The following ARHGAP26 variants were observed in gnomAD, a reference collection of about 807,000 sequenced individuals.
ARHGAP26 encodes the protein Rho GTPase activating protein 26.
In ARHGAP26, 38 loss-of-function variants were observed where a neutral mutation model predicts 104.8. The observed-to-expected ratio is 0.36, with a 90% CI of 0.28 to 0.48. ARHGAP26 has a LOEUF of 0.48. ARHGAP26 is among the 20% of genes least tolerant of loss of function. The pLI is 0.99. For missense variants in ARHGAP26, 704 were observed against 947.9 expected (o/e 0.74, Z 3.38); for synonymous variants, 341 against 340.0 (o/e 1.00, Z -0.03).
intron 19 of ARHGAP26, among the ~76,000 whole-genome samples, chr5:143,144,595 TG>T (rs1028942557): frequency 1.3e-5 from 2 of 152,044 alleles, no homozygotes; most frequent in African/African-American, 2.4e-5. Flanking sequence ...TTTGTAGAGA[TG>T]GGGGTCTCAC....
At chr5:143,011,586 GCC>G (rs1778763816) in intron 11 of ARHGAP26, among the ~76,000 whole-genome samples, 1 of 152,100 alleles carries the variant, frequency 6.6e-6, no homozygotes. Flanking sequence ...AAGCCGCTAT[GCC>G]CTTCCTCAAT....
At chr5:143,057,385 C>T (rs1785981666) in intron 16 of ARHGAP26, among the ~76,000 whole-genome samples, 1 of 152,120 alleles carries the variant, frequency 6.6e-6, no homozygotes, top group East Asian at 1.9e-4. Flanking sequence ...TTGACTGGCT[C>T]CATTTCATCA....
intron 17 of ARHGAP26, among the ~76,000 whole-genome samples, chr5:143,100,027 C>T (rs1254275595): frequency 6.6e-6 from 1 of 152,012 alleles, no homozygotes; most frequent in Non-Finnish European, 1.5e-5. Flanking sequence ...AGACAATTTG[C>T]CAGAATGCAG....
In ARHGAP26 at chr5:142,983,309, C is replaced by T. The variant is rs533325364; in HGVS notation, c.1108-30771C>T. On this transcript the variant is annotated intron_variant, in intron 11 of 22. Coordinates refer to ENST00000645722, the MANE Select transcript of ARHGAP26 (RefSeq NM_001135608.3). ...GCAACCTCCACCTCCCGGGTTCAAG[C>T]GACCCTCCTGCCTCAGCCTTGTGAG... 1.7e-3 allele frequency among the ~76,000 whole-genome samples: 256 copies of T among 152,264 alleles called. 1 individual carries two copies. Among genetic ancestry groups the T allele is most frequent in the Non-Finnish European group, 2.6e-3 (179 of 68,022 alleles).
In ARHGAP26 at chr5:142,894,440, G is replaced by T. The variant is rs140011211; in HGVS notation, c.597+92G>T. 38 of 1,212,160 alleles carry T rather than the reference G, an allele frequency of 3.1e-5. No homozygotes were observed. In the East Asian group the frequency reaches 3.5e-4, roughly 11 times the overall value. The allele number at this position is 1,212,160 out of a possible 1,614,324, so 75.1% of individuals were successfully genotyped here. On this transcript the variant is annotated intron_variant, in intron 6 of 22. Transcript: ENST00000645722. The stretch of plus-strand genomic sequence containing the variant: ...TTACAAAATGCTCTAAGTTGTTGAT[G>T]AAGAGGTTGAGCAGCCCTGACACTG...
rs1302005892 is a variant in ARHGAP26, at chr5:143,100,962, G to A, written c.1539-20026G>A. 4.6e-5 allele frequency among the ~76,000 whole-genome samples: 7 copies of A among 152,138 alleles called. No individual in the cohort carries two copies. The East Asian group carries it at 5.8e-4, about 13-fold the overall frequency. ...TGAAAAACTAGCTGAGTGTGGTGAC[G>A]TGTGCCTGTAATCTCAGCTACCTGG... On this transcript the variant is annotated intron_variant, in intron 17 of 22. Transcript: ENST00000645722.
At chr5:143,122,406 T>A (rs1391128328) in intron 18 of ARHGAP26, among the ~76,000 whole-genome samples, 1 of 152,250 alleles carries the variant, frequency 6.6e-6, no homozygotes, top group Non-Finnish European at 1.5e-5. Context: ...TCAAGTGTAC[T>A]AAGTGAAGCC....
At chr5:143,165,969 A>G in intron 20 of ARHGAP26, 1 of 1,240,960 alleles carries the variant, frequency 8.1e-7, no homozygotes, top group Non-Finnish European at 1.1e-6. Flanking sequence ...CTGGCTCATA[A>G]TCAGGGCTCA....
chr5:142,882,998 T>G lies in ARHGAP26; in HGVS notation c.385-2300T>G, dbSNP rs17099643. 0.018 allele frequency among the ~76,000 whole-genome samples: 2,778 copies of G among 152,326 alleles called. 200 individuals carry two copies. The East Asian group carries it at 0.25, about 14-fold the overall frequency. The stretch of plus-strand genomic sequence containing the variant: ...ACTCTCTGGAAGGTGAAAACCATCT[T>G]GTGTCCTGAGTAATGGACACACTCT... On this transcript the variant is annotated intron_variant, in intron 4 of 22. Transcript: ENST00000645722.
chr5:142,797,795 C>T (rs1761282907), intron 1 of ARHGAP26, among the ~76,000 whole-genome samples: 1 of 152,178 alleles, frequency 6.6e-6, no homozygotes, highest in South Asian at 2.1e-4. Flanking sequence ...TCTCCAAAGA[C>T]CAGTTGCCAC....
At position 142,892,375 on chromosome 5, in the gene ARHGAP26, A is replaced by C. The variant is rs80317864; in HGVS notation, c.487-1863A>C. 0.017 allele frequency among the ~76,000 whole-genome samples: 2,515 copies of C among 152,082 alleles called. 198 individuals are homozygous for C. In the East Asian group the frequency reaches 0.24, roughly 15 times the overall value. ...GCAGATCCACCAGGACAGAAATCCC[A>C]GCTCTGCCGTATACTAGCTGTGTCA... On this transcript the variant is annotated intron_variant, in intron 5 of 22. Transcript: ENST00000645722.
chr5:142,963,347 T>TGA (rs1170981732), intron 11 of ARHGAP26, among the ~76,000 whole-genome samples: 2 of 151,742 alleles, frequency 1.3e-5, no homozygotes, highest in Non-Finnish European at 2.9e-5. Flanking sequence ...TGTGGTAGAA[T>TGA]GATATATATT....
At chr5:142,803,001 G>A (rs1455336864) in intron 1 of ARHGAP26, among the ~76,000 whole-genome samples, 3 of 151,878 alleles carry the variant, frequency 2.0e-5, no homozygotes, top group African/African-American at 7.2e-5. Context: ...TGAAGTTCCA[G>A]TGTGTAGTGG....
chr5:143,006,494 T>C (rs1345935645), intron 11 of ARHGAP26, among the ~76,000 whole-genome samples: 1 of 152,138 alleles, frequency 6.6e-6, no homozygotes, highest in East Asian at 1.9e-4. Flanking sequence ...GGAAGTGCCA[T>C]CAACTATATT....
At chr5:142,880,464 G>C (rs982998285) in intron 4 of ARHGAP26, among the ~76,000 whole-genome samples, 1 of 151,840 alleles carries the variant, frequency 6.6e-6, no homozygotes, top group African/African-American at 2.4e-5. Context: ...GTTGCAGTGA[G>C]CCGAGATCGC....
At chr5:142,924,007 G>A (rs960723319) in intron 10 of ARHGAP26, among the ~76,000 whole-genome samples, 2 of 151,852 alleles carry the variant, frequency 1.3e-5, no homozygotes, top group Admixed American at 6.6e-5. Context: ...GACTACAGGC[G>A]CCTGCCACCG....
chr5:142,991,795 T>C (rs1394591415), intron 11 of ARHGAP26, among the ~76,000 whole-genome samples: 3 of 152,232 alleles, frequency 2.0e-5, no homozygotes, highest in African/African-American at 7.2e-5. Flanking sequence ...TTTGTGTAAG[T>C]GCACTCTATG....
intron 17 of ARHGAP26, among the ~76,000 whole-genome samples, chr5:143,101,198 C>A (rs975265235): frequency 6.6e-6 from 1 of 152,208 alleles, no homozygotes. Context: ...TCTCTTGGAT[C>A]ATTGCAAGAG....
intron 1 of ARHGAP26, among the ~76,000 whole-genome samples, chr5:142,836,177 C>A (rs961129517): frequency 6.6e-6 from 1 of 152,182 alleles, no homozygotes; most frequent in African/African-American, 2.4e-5. Context: ...GCATCCTGGG[C>A]AGGGGCTCTG....
Sources: allele counts gnomAD v4.1 joint callset (sites outside exome capture counted in the v4.1 genomes callset), GRCh38; gene constraint gnomAD v4.1.1; transcripts MANE v1.5; gene names NCBI Gene and HGNC (gene_info 2026-07-23, HGNC 2026-07-21).